GRIK2: variants seen among roughly 807,000 people sequenced by gnomAD.
GRIK2 encodes glutamate receptor ionotropic, kainate 2.
GRIK2 carries 32 observed loss-of-function variants against 100.3 expected under a neutral mutation model. The ratio of observed to expected loss-of-function variants is 0.32; its 90% CI spans 0.24 to 0.43. The LOEUF is 0.43. GRIK2 is among the 20% of genes least tolerant of loss of function. The pLI is 1.00. For missense variants in GRIK2, 843 were observed against 1,114.9 expected (o/e 0.76, Z 3.47); for synonymous variants, 417 against 389.4 (o/e 1.07, Z -0.83).
intron 11 of GRIK2, among the ~76,000 whole-genome samples, chr6:101,889,251 T>C (rs929072712): frequency 2.0e-5 from 3 of 152,056 alleles, no homozygotes; most frequent in African/African-American, 4.8e-5. Context: ...ATTTGACCAA[T>C]GTATTAAGAA....
At chr6:101,621,325 C>T (rs370883238) in intron 2 of GRIK2, among the ~76,000 whole-genome samples, 16 of 152,108 alleles carry the variant, frequency 1.1e-4, no homozygotes, top group South Asian at 4.2e-4. Flanking sequence ...TGATGGCACA[C>T]GCCTGTAGTC....
chr6:101,858,382 T>TC (rs1476172695), intron 10 of GRIK2, among the ~76,000 whole-genome samples: 1 of 147,722 alleles, frequency 6.8e-6, no homozygotes, highest in African/African-American at 2.5e-5. Flanking sequence ...CTCTATTTTT[T>TC]TTTCTTTTTT....
chr6:101,790,037 G>A (rs1241482515), intron 7 of GRIK2, among the ~76,000 whole-genome samples: 1 of 152,162 alleles, frequency 6.6e-6, no homozygotes, highest in Non-Finnish European at 1.5e-5. Flanking sequence ...GAATGCTTGT[G>A]ATTTTTGTAC....
intron 2 of GRIK2, among the ~76,000 whole-genome samples, chr6:101,526,549 A>G (rs1439434111): frequency 1.3e-5 from 2 of 152,158 alleles, no homozygotes; most frequent in Non-Finnish European, 2.9e-5. Flanking sequence ...TTAAGGGCTG[A>G]TATATTGGTT....
At chr6:102,009,121 A>G (rs1795391609) in intron 14 of GRIK2, among the ~76,000 whole-genome samples, 1 of 152,006 alleles carries the variant, frequency 6.6e-6, no homozygotes, top group African/African-American at 2.4e-5. Flanking sequence ...TGGTTACTAG[A>G]TGGTTTATGT....
intron 14 of GRIK2, among the ~76,000 whole-genome samples, chr6:101,963,874 C>T (rs1285857169): frequency 1.3e-5 from 2 of 151,950 alleles, no homozygotes; most frequent in Non-Finnish European, 2.9e-5. Context: ...TCAACTTGAA[C>T]TTGCCTACAT....
At chr6:101,806,292 A>T (rs9498715) in intron 9 of GRIK2, among the ~76,000 whole-genome samples, 9,881 of 152,182 alleles carry the variant, frequency 0.065, 345 homozygotes, top group African/African-American at 0.09. Flanking sequence ...TCTTCTGGTC[A>T]GTTCAAGGAT....
chr6:102,013,587 T>A (rs1246040527), intron 14 of GRIK2, among the ~76,000 whole-genome samples: 2 of 152,172 alleles, frequency 1.3e-5, no homozygotes, highest in African/African-American at 4.8e-5. Flanking sequence ...ATAGCTCTTA[T>A]TATTTTAAGG....
chr6:101,681,455 C>T (rs533495761), intron 5 of GRIK2, among the ~76,000 whole-genome samples: 1 of 143,272 alleles, frequency 7.0e-6, no homozygotes, highest in Admixed American at 7.3e-5. Flanking sequence ...GTTACCAAGG[C>T]TGGTCTTGGG....
chr6:101,930,335 C>A (rs1475916723), intron 14 of GRIK2, among the ~76,000 whole-genome samples: 1 of 99,506 alleles, frequency 1.0e-5, no homozygotes, highest in African/African-American at 4.1e-5. Flanking sequence ...GGAGTGCAAT[C>A]CTGTCTCAAA....
At chr6:101,643,547 G>A (rs911143512) in intron 4 of GRIK2, among the ~76,000 whole-genome samples, 9 of 151,636 alleles carry the variant, frequency 5.9e-5, no homozygotes, top group African/African-American at 2.2e-4. Flanking sequence ...TACCACATAT[G>A]TGAGAGTTTA....
intron 1 of GRIK2, among the ~76,000 whole-genome samples, chr6:101,398,349 A>T (rs1353681089): frequency 1.3e-5 from 2 of 152,220 alleles, no homozygotes; most frequent in Non-Finnish European, 2.9e-5. Flanking sequence ...TTTCTCCCAT[A>T]AAAGTTCACT....
At chr6:101,430,028 G>A (rs1298932817) in intron 2 of GRIK2, among the ~76,000 whole-genome samples, 1 of 152,116 alleles carries the variant, frequency 6.6e-6, no homozygotes, top group Non-Finnish European at 1.5e-5. Flanking sequence ...GCTCTTGCCA[G>A]CCTTTAGAGA....
intron 14 of GRIK2, among the ~76,000 whole-genome samples, chr6:102,031,592 A>G (rs1770002955): frequency 1.3e-5 from 2 of 151,254 alleles, no homozygotes; most frequent in South Asian, 4.2e-4. Flanking sequence ...ATAGTCTGCA[A>G]TATGTTTTCA....
In GRIK2 at chr6:101,928,579, A is replaced by G. The variant is rs760233034; in HGVS notation, c.2032A>G (p.Thr678Ala). The change falls in exon 14 of 17, where the codon ACC becomes GCC. Residue 678 changes from threonine to alanine, a missense_variant. Coordinates refer to ENST00000369134, the MANE Select transcript of GRIK2 (RefSeq NM_021956.5). ...IDSADDLAKQ[T>A]KIEYGAVEDG... ...CTCTGCTGATGATTTAGCTAAACAA[A>G]CCAAGATAGAATATGGAGCAGTAGA... 1.2e-6 allele frequency: 2 copies of G among 1,608,718 alleles called. No individual in the cohort carries two copies. The highest frequency in any genetic ancestry group is 1.7e-6 in the Non-Finnish European group (2 of 1,175,110).
chr6:101,676,252 T>C (rs1249339012), intron 4 of GRIK2, among the ~76,000 whole-genome samples: 1 of 152,212 alleles, frequency 6.6e-6, no homozygotes. Context: ...ACTATTTTAC[T>C]CTATGTCTTT....
intron 2 of GRIK2, among the ~76,000 whole-genome samples, chr6:101,605,305 A>G (rs1779393663): frequency 1.3e-5 from 2 of 151,962 alleles, no homozygotes; most frequent in Non-Finnish European, 2.9e-5. Flanking sequence ...TTCCTTACCC[A>G]GTGGTGAATC....
At chr6:101,682,703 C>T (rs1219405421) in intron 6 of GRIK2, 97 bp downstream of exon 6, 2 of 569,058 alleles carry the variant, frequency 3.5e-6, no homozygotes, top group East Asian at 3.0e-5. Flanking sequence ...ATGACTGATT[C>T]CTTTGTAGTT....
intron 12 of GRIK2, among the ~76,000 whole-genome samples, chr6:101,892,098 T>C (rs1787142125): frequency 6.6e-6 from 1 of 152,072 alleles, no homozygotes; most frequent in East Asian, 1.9e-4. Context: ...CCCAGGAGGA[T>C]AGAAATAAAG....
Sources: allele counts gnomAD v4.1 joint callset (sites outside exome capture counted in the v4.1 genomes callset), GRCh38; gene constraint gnomAD v4.1.1; transcripts MANE v1.5; gene names NCBI Gene and HGNC (gene_info 2026-07-23, HGNC 2026-07-21).